The following AHCTF1 variants were observed in gnomAD, a reference collection of about 807,000 sequenced individuals.
The protein encoded by AHCTF1 is AT-hook containing transcription factor 1.
In AHCTF1, 24 loss-of-function variants were observed where a neutral mutation model predicts 248.4. The ratio of observed to expected loss-of-function variants is 0.10; its 90% CI spans 0.07 to 0.14. The LOEUF (loss-of-function observed/expected upper bound fraction) is 0.14, where lower values mean the gene tolerates loss of function less well. Among genes scored for constraint, AHCTF1 ranks in the 10% least tolerant of loss-of-function variants. The pLI is 1.00. For synonymous variants in AHCTF1, 786 were observed against 929.8 expected, an observed-to-expected ratio of 0.85 and a Z score of 2.81; for missense variants, 2,206 against 2,636.2, an observed-to-expected ratio of 0.84 and a Z score of 3.57.
intron 1 of AHCTF1, among the ~76,000 whole-genome samples, chr1:246,919,627 C>T (rs1336711456): frequency 4.0e-5 from 6 of 150,660 alleles, no homozygotes; most frequent in African/African-American, 1.5e-4. Context: ...GCAGGAGAAT[C>T]ACTTGAACCC....
Position 246,853,269 on chromosome 1 carries a change from T to C in AHCTF1, c.4385A>G (p.Asn1462Ser), listed in dbSNP as rs1231188372. The change falls in exon 32 of 36, where the codon AAC (asparagine) becomes AGC (serine). Residue 1462 changes from asparagine to serine, a missense_variant. By Grantham distance (46) the Asn-to-Ser change is conservative. Transcript: ENST00000648844. ...SMADVLGDGG[N>S]SSLTISEGPI... ...ACCTTCAGAGATAGTGAGCGAGGAG[T>C]TTCCACCATCACCAAGGACATCAGC... 2 of 1,612,906 alleles carry C rather than the reference T, an allele frequency of 1.2e-6. No individual in the cohort carries two copies. Among genetic ancestry groups the C allele is most frequent in the East Asian group, 2.2e-5 (1 of 44,860 alleles).
At chr1:246,898,439 G>A (rs533721555) in intron 11 of AHCTF1, 103 bp from the exon 12 acceptor site, 166 of 1,235,810 alleles carry the variant, frequency 1.3e-4, no homozygotes, top group Non-Finnish European at 1.8e-4. Context: ...TTTAAAGATA[G>A]CAAGTGGAAA....
chr1:246,861,064 CCTGATA>C lies in AHCTF1; in HGVS notation c.3961_3966del (p.Tyr1321_Gln1322del), dbSNP rs1209821653. The C allele has an allele frequency of 6.2e-7, 1 of 1,614,070 alleles. No individual in the cohort carries two copies. Among genetic ancestry groups the C allele is most frequent in the Non-Finnish European group, 8.5e-7 (1 of 1,179,964 alleles). Reference sequence around the variant, plus strand: ...TCAAGGTCTTCCGGTGACGGTGCATCCTGATACTCTAAGGTAGTCTCATCGGATGTG... The same window carrying C: ...TCAAGGTCTTCCGGTGACGGTGCATCCTCTAAGGTAGTCTCATCGGATGTG... On this transcript the variant is annotated inframe_deletion, in exon 29 of 36. Coordinates refer to ENST00000648844, the MANE Select transcript of AHCTF1 (RefSeq NM_001323342.2).
intron 34 of AHCTF1, among the ~76,000 whole-genome samples, chr1:246,843,476 T>C (rs1181258774): frequency 6.6e-6 from 1 of 152,144 alleles, no homozygotes; most frequent in Non-Finnish European, 1.5e-5. Flanking sequence ...AACTATTTCT[T>C]TAAAAAACAC....
intron 33 of AHCTF1, among the ~76,000 whole-genome samples, chr1:246,844,805 CTTTT>C (rs11370838): frequency 4.4e-4 from 62 of 141,946 alleles, no homozygotes; most frequent in Middle Eastern, 3.7e-3. Flanking sequence ...ACCACACAGA[CTTTT>C]TTTTTTTTTT....
chr1:246,854,514 G>T (rs896110619), intron 31 of AHCTF1, among the ~76,000 whole-genome samples: 1 of 152,094 alleles, frequency 6.6e-6, no homozygotes, highest in African/African-American at 2.4e-5. Flanking sequence ...CACTATTAGA[G>T]CTGTTAAAAA....
In AHCTF1 at chr1:246,844,395, C is replaced by A. The variant is rs116630006; in HGVS notation, c.6392-467G>T. 3.3e-3 allele frequency among the ~76,000 whole-genome samples: 497 copies of A among 152,214 alleles called. 1 individual carries two copies. Among genetic ancestry groups the A allele is most frequent in the African/African-American group, 0.012 (478 of 41,540 alleles). On this transcript the variant is annotated intron_variant, in intron 33 of 35. Transcript: ENST00000648844. ...GCCACCTCATTTTGAACTACTTGTT[C>A]CAGCCAAAGGAACAGAAAAGTTCAT...
chr1:246,866,707 C>T (rs1460490265), intron 26 of AHCTF1, among the ~76,000 whole-genome samples: 1 of 152,118 alleles, frequency 6.6e-6, no homozygotes, highest in African/African-American at 2.4e-5. Flanking sequence ...CATGAAGAGA[C>T]ATACTCTGTT....
chr1:246,885,910 G>T (rs532011719), intron 20 of AHCTF1, among the ~76,000 whole-genome samples: 2 of 152,240 alleles, frequency 1.3e-5, no homozygotes, highest in African/African-American at 4.8e-5. Context: ...AATAAGGCTG[G>T]GCACGGTGGC....
chr1:246,892,483 G>C (rs1268174715), intron 14 of AHCTF1, among the ~76,000 whole-genome samples: 1 of 151,612 alleles, frequency 6.6e-6, no homozygotes, highest in Non-Finnish European at 1.5e-5. Context: ...ACAACACCCA[G>C]CTAATTTTTG....
intron 14 of AHCTF1, among the ~76,000 whole-genome samples, chr1:246,892,301 C>CTTTTTTTTTTTTTTTTT (rs74163502): frequency 1.5e-5 from 1 of 64,974 alleles, no homozygotes; most frequent in Admixed American, 2.3e-4. Flanking sequence ...ATTTGTTTTA[C>CTTTTTTTTTTTTTTTTT]TTTTTTTTTT....
Position 246,862,075 on chromosome 1 carries a change from G to C in AHCTF1, c.3619C>G (p.Leu1207Val), listed in dbSNP as rs1661597716. ...FTPQSILRST[L>V]RSTPLASPSP... is the part of the protein sequence containing the mutation. ...GGAGATGCTAAAGGTGTTGATCGAA[G>C]AGTAGACCTCAGGATGGACTGAGGA... The change falls in exon 28 of 36, where the codon CTT becomes GTT. Residue 1207 changes from leucine to valine, a missense_variant. By Grantham distance (32) the Leu-to-Val change is conservative (BLOSUM62 1). Transcript: ENST00000648844. The C allele has an allele frequency of 6.2e-7, 1 of 1,612,704 alleles. No homozygotes were observed. The highest frequency in any genetic ancestry group is 1.1e-5 in the South Asian group (1 of 91,034).
At chr1:246,926,809 C>T (rs1210768614) in intron 1 of AHCTF1, among the ~76,000 whole-genome samples, 2 of 151,002 alleles carry the variant, frequency 1.3e-5, no homozygotes, top group Non-Finnish European at 3.0e-5. Context: ...TCAGCCGACA[C>T]TGCACCATTG....
At position 246,929,189 on chromosome 1, in the gene AHCTF1, G is replaced by A. The variant is rs149058862; in HGVS notation, c.-8+2389C>T. Reference sequence around the variant, plus strand: ...TTTGGTTGGCCGAGGTGGGCAGATCGTCTGAGCTCAGGAGTTCGAGATCAC... The same window carrying A: ...TTTGGTTGGCCGAGGTGGGCAGATCATCTGAGCTCAGGAGTTCGAGATCAC... On this transcript the variant is annotated intron_variant, in intron 1 of 35. Transcript: ENST00000648844. Among the ~76,000 whole-genome samples, 1,245 of 152,014 alleles carry A rather than the reference G, an allele frequency of 8.2e-3. 11 individuals carry two copies. Among genetic ancestry groups the A allele is most frequent in the African/African-American group, 0.028 (1,156 of 41,436 alleles).
chr1:246,869,009 TA>T (rs1469262334), intron 24 of AHCTF1, among the ~76,000 whole-genome samples: 1 of 151,480 alleles, frequency 6.6e-6, no homozygotes, highest in Non-Finnish European at 1.5e-5. Flanking sequence ...CATGCCTGGC[TA>T]ACTTTTTCTA....
At chr1:246,918,537 T>C (rs1247538521) in intron 1 of AHCTF1, among the ~76,000 whole-genome samples, 160 bp from the exon 2 acceptor site, 4 of 152,250 alleles carry the variant, frequency 2.6e-5, no homozygotes, top group Non-Finnish European at 5.9e-5. Flanking sequence ...GGCTCACGCC[T>C]TTAAGTCCCA....
At chr1:246,886,238 G>A (rs1663810554) in intron 20 of AHCTF1, among the ~76,000 whole-genome samples, 1 of 152,100 alleles carries the variant, frequency 6.6e-6, no homozygotes, top group African/African-American at 2.4e-5. Context: ...GGTTGAGGCA[G>A]GAGAATTGCT....
intron 7 of AHCTF1, among the ~76,000 whole-genome samples, chr1:246,903,293 G>A (rs910879212): frequency 6.6e-6 from 1 of 152,138 alleles, no homozygotes; most frequent in South Asian, 2.1e-4. Context: ...AAGCCCAGAC[G>A]CGTATGTCCT....
At chr1:246,894,159 T>TCACC (rs1410559724) in intron 14 of AHCTF1, among the ~76,000 whole-genome samples, 1 of 152,016 alleles carries the variant, frequency 6.6e-6, no homozygotes, top group East Asian at 1.9e-4. Flanking sequence ...AGCCATGAAC[T>TCACC]CACCACTGTA....
Sources: gnomAD v4.1 joint callset for allele counts (sites outside exome capture counted in the v4.1 genomes callset) on GRCh38, gnomAD v4.1.1 for gene constraint, MANE v1.5 for transcripts, NCBI Gene and HGNC (gene_info 2026-07-23, HGNC 2026-07-21) for gene names.